KIAA1328: variants seen among roughly 807,000 people sequenced by gnomAD.
KIAA1328 encodes KIAA1328.
A neutral mutation model predicts 68.1 loss-of-function variants in KIAA1328; 52 were observed. The ratio of observed to expected loss-of-function variants is 0.76; its 90% CI spans 0.61 to 0.96. KIAA1328 has a LOEUF of 0.96. Among genes scored for constraint, KIAA1328 ranks in the 40% least tolerant of loss-of-function variants. The pLI is 0.00. For missense variants in KIAA1328, 641 were observed against 677.6 expected (o/e 0.95, Z 0.60); for synonymous variants, 232 against 239.4 (o/e 0.97, Z 0.28).
chr18:37,131,573 A>G (rs1568446302), intron 7 of KIAA1328, among the ~76,000 whole-genome samples: 1 of 152,212 alleles, frequency 6.6e-6, no homozygotes, highest in East Asian at 1.9e-4. Flanking sequence ...CACACCTAAC[A>G]GTGAGCATTT....
At chr18:37,019,652 G>C (rs1053783338) in intron 6 of KIAA1328, among the ~76,000 whole-genome samples, 2 of 152,224 alleles carry the variant, frequency 1.3e-5, no homozygotes, top group Non-Finnish European at 2.9e-5. Flanking sequence ...ATCCAAGTGG[G>C]TGTTCCAGAT....
At chr18:36,997,234 A>G (rs915596888) in intron 6 of KIAA1328, among the ~76,000 whole-genome samples, 1 of 152,206 alleles carries the variant, frequency 6.6e-6, no homozygotes, top group Non-Finnish European at 1.5e-5. Flanking sequence ...TTAACTATGA[A>G]TAGTTACTTT....
chr18:37,106,983 C>T (rs896545792), intron 7 of KIAA1328, among the ~76,000 whole-genome samples: 6 of 152,302 alleles, frequency 3.9e-5, no homozygotes, highest in African/African-American at 1.4e-4. Flanking sequence ...GTAGCTCATG[C>T]TTGTAATTCC....
chr18:37,034,008 A>T (rs982809144), intron 6 of KIAA1328, among the ~76,000 whole-genome samples: 2 of 152,142 alleles, frequency 1.3e-5, no homozygotes, highest in Non-Finnish European at 2.9e-5. Context: ...TAATTTTCTA[A>T]TTTTTTCTCC....
At chr18:36,945,251 G>A (rs2050857934) in intron 5 of KIAA1328, among the ~76,000 whole-genome samples, 1 of 152,072 alleles carries the variant, frequency 6.6e-6, no homozygotes, top group Admixed American at 6.6e-5. Context: ...AAAAAATCTG[G>A]TTCTTTACCA....
chr18:36,930,180 A>ATTAGTT (rs2050260769), intron 5 of KIAA1328, among the ~76,000 whole-genome samples: 1 of 152,154 alleles, frequency 6.6e-6, no homozygotes, highest in African/African-American at 2.4e-5. Context: ...GCCTTCAAGA[A>ATTAGTT]TTAGTTGAAA....
At chr18:36,860,753 G>C (rs1286332942) in intron 4 of KIAA1328, among the ~76,000 whole-genome samples, 2 of 152,070 alleles carry the variant, frequency 1.3e-5, no homozygotes, top group African/African-American at 4.8e-5. Flanking sequence ...CAGGGTGAGA[G>C]AATAGAAAAT....
chr18:37,229,286 C>T (rs572659396), downstream of KIAA1328, among the ~76,000 whole-genome samples: 1 of 152,252 alleles, frequency 6.6e-6, no homozygotes, highest in South Asian at 2.1e-4. Flanking sequence ...GCCCTGTGCA[C>T]CATCTTATTC....
intron 7 of KIAA1328, among the ~76,000 whole-genome samples, chr18:37,096,347 G>A (rs2057406295): frequency 3.9e-5 from 6 of 152,046 alleles, no homozygotes; most frequent in Admixed American, 3.3e-4. Flanking sequence ...CTGTCCTTGC[G>A]ATAGTTTGCT....
At chr18:36,881,116 A>G (rs2048315164) in intron 4 of KIAA1328, among the ~76,000 whole-genome samples, 1 of 150,752 alleles carries the variant, frequency 6.6e-6, no homozygotes, top group South Asian at 2.1e-4. Flanking sequence ...GATAACCAGT[A>G]AGTATTAGAA....
chr18:36,871,810 C>G (rs1386446769), intron 4 of KIAA1328, among the ~76,000 whole-genome samples: 1 of 151,934 alleles, frequency 6.6e-6, no homozygotes, highest in Non-Finnish European at 1.5e-5. Flanking sequence ...AGGTGTGAGT[C>G]CCAGCTAAAC....
At chr18:36,995,141 T>C (rs1309912185) in intron 6 of KIAA1328, among the ~76,000 whole-genome samples, 1 of 152,108 alleles carries the variant, frequency 6.6e-6, no homozygotes, top group Non-Finnish European at 1.5e-5. Context: ...CGGTGTGTGA[T>C]GTTCCCCTCC....
At chr18:36,871,186 T>G (rs1218363408) in intron 4 of KIAA1328, among the ~76,000 whole-genome samples, 1 of 152,172 alleles carries the variant, frequency 6.6e-6, no homozygotes, top group African/African-American at 2.4e-5. Context: ...ATAACTTACA[T>G]CAACATTATA....
chr18:36,955,314 CTTT>C (rs60361116), intron 5 of KIAA1328, among the ~76,000 whole-genome samples: 68 of 129,010 alleles, frequency 5.3e-4, no homozygotes, highest in Admixed American at 1.0e-3. Context: ...TTTTTCTTTT[CTTT>C]TTTTTTTTTT....
intron 5 of KIAA1328, among the ~76,000 whole-genome samples, chr18:36,919,835 T>A (rs868312997): frequency 2.0e-5 from 3 of 152,198 alleles, no homozygotes; most frequent in Admixed American, 2.0e-4. Context: ...TTGAACTTTT[T>A]AAAATATATT....
At chr18:37,022,414 G>A (rs749738768) in intron 6 of KIAA1328, among the ~76,000 whole-genome samples, 12 of 152,130 alleles carry the variant, frequency 7.9e-5, no homozygotes, top group Non-Finnish European at 1.3e-4. Flanking sequence ...GGCTTTAAAA[G>A]GAAAAGTGTC....
At chr18:36,874,990 G>A (rs1201308944) in intron 4 of KIAA1328, among the ~76,000 whole-genome samples, 1 of 152,060 alleles carries the variant, frequency 6.6e-6, no homozygotes, top group African/African-American at 2.4e-5. Flanking sequence ...TAAATGTGTG[G>A]TATTATTTCT....
chr18:37,076,122 T>A (rs1170845130), intron 7 of KIAA1328, among the ~76,000 whole-genome samples: 7 of 152,304 alleles, frequency 4.6e-5, no homozygotes, highest in South Asian at 2.1e-4. Flanking sequence ...TCAGAAATTA[T>A]AACAAACTGT....
downstream of KIAA1328, among the ~76,000 whole-genome samples, chr18:37,225,588 G>C (rs1338627650): frequency 1.3e-5 from 2 of 152,196 alleles, no homozygotes; most frequent in Non-Finnish European, 2.9e-5. Flanking sequence ...TGTTGGAACA[G>C]AACATTCAGT....
Sources: allele counts gnomAD v4.1 joint callset (sites outside exome capture counted in the v4.1 genomes callset), GRCh38; gene constraint gnomAD v4.1.1; transcripts MANE v1.5; gene names NCBI Gene and HGNC (gene_info 2026-07-23, HGNC 2026-07-21).